Variants in ZNF665 observed in about 807,000 individuals in gnomAD.
The protein encoded by ZNF665 is zinc finger protein 665.
ZNF665 carries 6 observed loss-of-function variants against 7.9 expected under a neutral mutation model. The ratio of observed to expected loss-of-function variants is 0.76; its 90% CI spans 0.42 to 1.50. The LOEUF (loss-of-function observed/expected upper bound fraction) is 1.50, where lower values mean the gene tolerates loss of function less well. Among genes scored for constraint, ZNF665 ranks in the 40% most tolerant of loss-of-function variants. The pLI is 0.01. For missense variants in ZNF665, 819 were observed against 806.7 expected, an observed-to-expected ratio of 1.02 and a Z score of -0.18; for synonymous variants, 242 against 274.5, an observed-to-expected ratio of 0.88 and a Z score of 1.17.
At chr19:53,191,108 A>T (rs10404005) in intron 1 of ZNF665, among the ~76,000 whole-genome samples, 7,541 of 152,238 alleles carry the variant, frequency 0.05, 498 homozygotes, top group African/African-American at 0.15. Context: ...GTATCTGAAG[A>T]GGGAACCCTC....
rs1005456112 is a variant in ZNF665 at position 53,171,973 on chromosome 19, C to T, written c.142+3472G>A. On this transcript the variant is annotated intron_variant, in intron 3 of 3. Coordinates refer to ENST00000396424, the MANE Select transcript of ZNF665 (RefSeq NM_024733.5). The stretch of plus-strand genomic sequence containing the variant: ...TTTCACCATGTTGGCCAGCTGGTCT[C>T]GAACTCCTGACCTCAGGTGATCCAC... 1.3e-4 allele frequency among the ~76,000 whole-genome samples: 20 copies of T among 151,940 alleles called. 1 individual carries two copies. Among genetic ancestry groups the T allele is most frequent in the Admixed American group, 2.0e-4 (3 of 15,246 alleles).
intron 2 of ZNF665, chr19:53,180,906 C>T (rs886477676): frequency 6.6e-6 from 1 of 152,054 alleles, no homozygotes; most frequent in Admixed American, 6.6e-5. Context: ...GTTTATTTTA[C>T]TCATGAAATC....
chr19:53,164,782 A>G lies in ZNF665; in HGVS notation c.1708T>C (p.Tyr570His). ...GCTTTGCCGCACTCATTACACTTAT[A>G]AGGTTTCTCACCAGTGTGAATTCTC... Reference protein sequence around the residue: ...HQRIHTGEKPYKCNECGKAFS... With the variant: ...HQRIHTGEKPHKCNECGKAFS... Residue 570 changes from tyrosine (Y) to histidine (H), a missense_variant, in exon 4 of 4, where the codon TAT becomes CAT. Tyr to His is a moderately conservative substitution (Grantham distance 83). Coordinates refer to ENST00000396424, the MANE Select transcript of ZNF665 (RefSeq NM_024733.5). The G allele has an allele frequency of 1.2e-6, 2 of 1,614,170 alleles. No individual in the cohort carries two copies. The highest frequency in any genetic ancestry group is 8.5e-7 in the Non-Finnish European group (1 of 1,180,020).
intron 1 of ZNF665, among the ~76,000 whole-genome samples, chr19:53,185,246 C>T (rs1311095836): frequency 2.6e-5 from 4 of 151,928 alleles, no homozygotes; most frequent in South Asian, 2.1e-4. Flanking sequence ...TTGCCACTTA[C>T]GCTACCGCTA....
At chr19:53,191,869 G>C (rs1316051742) in intron 1 of ZNF665, 1 of 152,094 alleles carries the variant, frequency 6.6e-6, no homozygotes, top group African/African-American at 2.4e-5. Flanking sequence ...GTTAGATTAT[G>C]GATACAGAAA....
At chr19:53,175,266 G>C (rs1408887432) in intron 3 of ZNF665, among the ~76,000 whole-genome samples, 179 bp downstream of exon 3, 2 of 152,170 alleles carry the variant, frequency 1.3e-5, no homozygotes, top group African/African-American at 4.8e-5. Context: ...AAAGTGGGCA[G>C]ACCATCTCGA....
chr19:53,170,583 T>A (rs971156479), intron 3 of ZNF665, among the ~76,000 whole-genome samples: 1 of 152,228 alleles, frequency 6.6e-6, no homozygotes, highest in Non-Finnish European at 1.5e-5. Context: ...CAAAATATCC[T>A]CGGGGTCCAT....
intron 1 of ZNF665, among the ~76,000 whole-genome samples, chr19:53,193,082 A>C (rs1056186340): frequency 2.6e-5 from 4 of 152,140 alleles, no homozygotes; most frequent in Admixed American, 2.6e-4. Flanking sequence ...ACGGCGCAGG[A>C]AAGGAGGTGT....
intron 3 of ZNF665, among the ~76,000 whole-genome samples, chr19:53,168,485 T>C (rs925296133): frequency 6.6e-6 from 1 of 152,198 alleles, no homozygotes; most frequent in East Asian, 1.9e-4. Context: ...ATATATCTTG[T>C]TCAGCATTTA....
At chr19:53,171,374 C>G (rs2090655443) in intron 3 of ZNF665, among the ~76,000 whole-genome samples, 1 of 151,500 alleles carries the variant, frequency 6.6e-6, no homozygotes, top group Non-Finnish European at 1.5e-5. Context: ...TAAGCAAATA[C>G]TTGCAACACT....
chr19:53,185,378 T>A (rs547207841), intron 1 of ZNF665, among the ~76,000 whole-genome samples: 70 of 151,704 alleles, frequency 4.6e-4, no homozygotes, highest in South Asian at 3.9e-3. Context: ...TTCTGGTCAC[T>A]TCTCACTGTG....
chr19:53,168,055 C>CAAAAAAAA (rs57521729), intron 3 of ZNF665, among the ~76,000 whole-genome samples: 16 of 66,380 alleles, frequency 2.4e-4, no homozygotes, highest in African/African-American at 5.5e-4. Context: ...GACTCCCTCT[C>CAAAAAAAA]AAAAAAAAAA....
intron 1 of ZNF665, among the ~76,000 whole-genome samples, chr19:53,184,749 C>T (rs1418158374): frequency 6.6e-6 from 1 of 152,114 alleles, no homozygotes. Context: ...GGACCACTAC[C>T]ACCAAGACGT....
At chr19:53,171,524 A>ATATATATATATATATATT (rs372855271) in intron 3 of ZNF665, among the ~76,000 whole-genome samples, 27 of 69,310 alleles carry the variant, frequency 3.9e-4, no homozygotes, top group Admixed American at 1.3e-3. Context: ...ATATATATAT[A>ATATATATATATATATATT]TTTTTTTTTT....
intron 2 of ZNF665, chr19:53,181,747 TA>T (rs2090739282): frequency 6.6e-6 from 1 of 152,202 alleles, no homozygotes; most frequent in Non-Finnish European, 1.5e-5. Flanking sequence ...AAGACTGTAC[TA>T]AAGTGATGAT....
chr19:53,189,051 C>CTCTGTGTGTGTGTG (rs1555805725), intron 1 of ZNF665, among the ~76,000 whole-genome samples: 4 of 137,650 alleles, frequency 2.9e-5, no homozygotes, highest in African/African-American at 1.0e-4. Flanking sequence ...GCTTTATTTT[C>CTCTGTGTGTGTGTG]TGTGTGTGTG....
At chr19:53,170,454 C>T (rs2090649091) in intron 3 of ZNF665, among the ~76,000 whole-genome samples, 2 of 152,132 alleles carry the variant, frequency 1.3e-5, no homozygotes, top group Admixed American at 1.3e-4. Context: ...TCCTAATCTC[C>T]CCAACCCCAC....
rs528391568 is a variant in ZNF665 at position 53,179,490 on chromosome 19, C to G, written c.15+3394G>C. The G allele has an allele frequency of 2.7e-4, 40 of 150,740 alleles. 1 individual carries two copies. Among genetic ancestry groups the G allele is most frequent in the East Asian group, 2.5e-3 (13 of 5,142 alleles). 9.3% of individuals were successfully genotyped at this position (150,740 alleles called of 1,614,324 possible). A position where few individuals can be genotyped will look rare whatever the true frequency, so the allele number is the denominator to read the frequency against. On this transcript the variant is annotated intron_variant, in intron 2 of 3. Coordinates refer to ENST00000396424, the MANE Select transcript of ZNF665 (RefSeq NM_024733.5). ...TGAGATGGAGTTTTGCTTTGTCACC[C>G]AGGCTGGAGTGCAGTGGGTTCAGGG...
At chr19:53,182,673 C>T (rs1352845100) in intron 2 of ZNF665, 8 of 1,003,578 alleles carry the variant, frequency 8.0e-6, no homozygotes, top group Non-Finnish European at 1.2e-5. Flanking sequence ...CTTCCCAGGT[C>T]CATGCCCCGT....
Sources: allele counts gnomAD v4.1 joint callset (sites outside exome capture counted in the v4.1 genomes callset), GRCh38; gene constraint gnomAD v4.1.1; transcripts MANE v1.5; gene names NCBI Gene and HGNC (gene_info 2026-07-23, HGNC 2026-07-21).